The following GRIN3A variants were observed in gnomAD, a reference collection of about 807,000 sequenced individuals.
GRIN3A encodes the protein glutamate receptor ionotropic, NMDA 3A.
Under a neutral mutation model 92.4 loss-of-function variants are expected in GRIN3A, and 47 were observed. The observed-to-expected ratio is 0.51, with a 90% CI of 0.40 to 0.65. The LOEUF is 0.65. Among genes scored for constraint, GRIN3A ranks in the 30% least tolerant of loss-of-function variants. GRIN3A has a pLI of 0.00. For missense variants in GRIN3A, 1,324 were observed against 1,393.1 expected, an observed-to-expected ratio of 0.95 and a Z score of 0.79; for synonymous variants, 527 against 540.6, an observed-to-expected ratio of 0.97 and a Z score of 0.35.
chr9:101,705,076 T>C (rs191018239), intron 1 of GRIN3A, among the ~76,000 whole-genome samples: 1 of 152,260 alleles, frequency 6.6e-6, no homozygotes, highest in East Asian at 1.9e-4. Flanking sequence ...GGTTCCACCC[T>C]TGGGCCTGTG....
intron 5 of GRIN3A, among the ~76,000 whole-genome samples, chr9:101,615,228 C>A: frequency 6.9e-6 from 1 of 145,954 alleles, no homozygotes; most frequent in Admixed American, 6.8e-5. Context: ...TTTTTTTTGC[C>A]TTCAACATGA....
intron 6 of GRIN3A, among the ~76,000 whole-genome samples, chr9:101,581,860 C>A (rs987756955): frequency 6.6e-6 from 1 of 152,282 alleles, no homozygotes; most frequent in Admixed American, 6.5e-5. Context: ...AATTATTTAG[C>A]ATTGAATATG....
At chr9:101,663,198 A>G (rs1033693731) in intron 3 of GRIN3A, among the ~76,000 whole-genome samples, 9 of 151,756 alleles carry the variant, frequency 5.9e-5, no homozygotes, top group Non-Finnish European at 1.2e-4. Flanking sequence ...TCTCATTCAG[A>G]TCTTAGACAG....
At chr9:101,717,401 T>C (rs945750468) in intron 1 of GRIN3A, among the ~76,000 whole-genome samples, 2 of 152,206 alleles carry the variant, frequency 1.3e-5, no homozygotes, top group East Asian at 1.9e-4. Flanking sequence ...GAGTTCTGAT[T>C]TGATAAATCT....
chr9:101,647,261 T>A (rs1249018182), intron 3 of GRIN3A, among the ~76,000 whole-genome samples: 2 of 152,012 alleles, frequency 1.3e-5, no homozygotes, highest in African/African-American at 4.8e-5. Context: ...CATATGTTTT[T>A]TGTTCTTGAT....
At chr9:101,689,771 C>T (rs1476704417) in intron 1 of GRIN3A, among the ~76,000 whole-genome samples, 1 of 150,634 alleles carries the variant, frequency 6.6e-6, no homozygotes, top group African/African-American at 2.5e-5. Flanking sequence ...CACACACACA[C>T]ACAAAGATTA....
At chr9:101,655,217 G>A (rs1462620433) in intron 3 of GRIN3A, among the ~76,000 whole-genome samples, 1 of 151,800 alleles carries the variant, frequency 6.6e-6, no homozygotes, top group Non-Finnish European at 1.5e-5. Flanking sequence ...AGAGCCTTGG[G>A]CTAAAATTAT....
chr9:101,601,736 C>A (rs1249488127), intron 6 of GRIN3A, among the ~76,000 whole-genome samples: 3 of 152,158 alleles, frequency 2.0e-5, no homozygotes, highest in Admixed American at 6.5e-5. Flanking sequence ...TCTCTGCCTT[C>A]ATCATCACAT....
chr9:101,724,565 CGGT>C (rs1464349010), intron 1 of GRIN3A, among the ~76,000 whole-genome samples: 1 of 152,180 alleles, frequency 6.6e-6, no homozygotes. Flanking sequence ...CACAGTGCAG[CGGT>C]GGGCTGCAGG....
chr9:101,592,976 G>A, intron 6 of GRIN3A: 1 of 152,148 alleles, frequency 6.6e-6, no homozygotes, highest in Admixed American at 6.5e-5. Context: ...AAAGAGGATT[G>A]GTATGGAGGC....
intron 3 of GRIN3A, among the ~76,000 whole-genome samples, chr9:101,651,636 TTGTGTGTGTGTGTGTGTG>T (rs57126529): frequency 6.9e-6 from 1 of 145,946 alleles, no homozygotes; most frequent in East Asian, 2.0e-4. Context: ...AATAAATCCA[TTGTGTGTGTGTGTGTGTG>T]TGTGTGTGTG....
In GRIN3A at chr9:101,737,318, A is replaced by G. The variant is rs1588304098; in HGVS notation, c.662T>C (p.Ile221Thr). The part of the protein sequence containing the change: ...LVSLVLHIPV[I>T]SIVRHEFPRE... ...TGGAAACTCGTGGCGCACGATGCTGATCACTGGAATGTGCAGGACTAAGCT... is the reference window on the plus strand; with the variant it reads ...TGGAAACTCGTGGCGCACGATGCTGGTCACTGGAATGTGCAGGACTAAGCT... The change falls in exon 1 of 9, where the codon ATC becomes ACC. Residue 221 changes from isoleucine to threonine, a missense_variant. Transcript: ENST00000361820. 1.2e-6 allele frequency: 2 copies of G among 1,614,158 alleles called. No individual in the cohort carries two copies. The highest frequency in any genetic ancestry group is 1.7e-6 in the Non-Finnish European group (2 of 1,180,030).
At chr9:101,644,457 A>G (rs1588264051) in intron 3 of GRIN3A, among the ~76,000 whole-genome samples, 1 of 128,684 alleles carries the variant, frequency 7.8e-6, no homozygotes, top group African/African-American at 3.2e-5. Flanking sequence ...TACATTAGTC[A>G]CTCAAAAAAA....
At chr9:101,626,922 G>A (rs1413665863) in intron 4 of GRIN3A, among the ~76,000 whole-genome samples, 17 of 152,206 alleles carry the variant, frequency 1.1e-4, no homozygotes, top group Admixed American at 1.1e-3. Flanking sequence ...GGCTAGGGCA[G>A]GGCCAGTGCT....
At chr9:101,621,971 A>G (rs1588253291) in intron 5 of GRIN3A, among the ~76,000 whole-genome samples, 2 of 152,240 alleles carry the variant, frequency 1.3e-5, no homozygotes, top group African/African-American at 2.4e-5. Flanking sequence ...AATGTTGTTT[A>G]TTTTTCTAGC....
At position 101,737,989 on chromosome 9, in the gene GRIN3A, C is replaced by G; in HGVS notation, c.-10G>C. On this transcript the variant is annotated 5_prime_UTR_variant, in exon 1 of 9. Transcript: ENST00000361820. ...AACTCAGTCTCCTCATTACTGAGAC[C>G]CGCAGGGAGAAAGCGCGCCCCCTCC... The G allele has an allele frequency of 1.3e-6, 2 of 1,532,146 alleles. No individual in the cohort carries two copies. The highest frequency in any genetic ancestry group is 1.7e-6 in the Non-Finnish European group (2 of 1,145,064). 94.9% of individuals were successfully genotyped at this position (1,532,146 alleles called of 1,614,324 possible). A position where few individuals can be genotyped will look rare whatever the true frequency, so the allele number is the denominator to read the frequency against.
Position 101,735,645 on chromosome 9 carries a change from G to T in GRIN3A, c.699+1636C>A, listed in dbSNP as rs938545062. 4.6e-5 allele frequency among the ~76,000 whole-genome samples: 7 copies of T among 151,970 alleles called. No homozygotes were observed. In the South Asian group the frequency reaches 1.5e-3, roughly 32 times the overall value. Reference sequence around the variant, plus strand: ...CTATTGGCCACTTACGAAGTATTAGGTAATAAAGAAGCAATGATAAGAAGC... The same window carrying T: ...CTATTGGCCACTTACGAAGTATTAGTTAATAAAGAAGCAATGATAAGAAGC... On this transcript the variant is annotated intron_variant, in intron 1 of 8. Transcript: ENST00000361820.
chr9:101,619,596 A>T (rs1828521595), intron 5 of GRIN3A, among the ~76,000 whole-genome samples: 1 of 152,242 alleles, frequency 6.6e-6, no homozygotes, highest in Admixed American at 6.5e-5. Context: ...TGAAGAGTAG[A>T]TTAGATAACT....
At chr9:101,583,144 C>G (rs1223681993) in intron 6 of GRIN3A, among the ~76,000 whole-genome samples, 4 of 152,022 alleles carry the variant, frequency 2.6e-5, no homozygotes, top group African/African-American at 9.7e-5. Flanking sequence ...CCTTACTTAC[C>G]CAAGATCATG....
Sources: gnomAD v4.1 joint callset for allele counts (sites outside exome capture counted in the v4.1 genomes callset) on GRCh38, gnomAD v4.1.1 for gene constraint, MANE v1.5 for transcripts, NCBI Gene and HGNC (gene_info 2026-07-23, HGNC 2026-07-21) for gene names.